PDZD2: variants seen among roughly 807,000 people sequenced by gnomAD.
PDZD2 encodes PDZ domain-containing protein 2.
In PDZD2, 90 loss-of-function variants were observed where a neutral mutation model predicts 220.7. The observed-to-expected ratio is 0.41, with a 90% CI of 0.34 to 0.49. PDZD2 has a LOEUF of 0.49. Ranked by LOEUF, PDZD2 falls within the 20% of genes least tolerant of loss-of-function variation. The pLI is 0.28. For synonymous variants in PDZD2, 1,375 were observed against 1,450.5 expected (o/e 0.95, Z 1.18); for missense variants, 3,174 against 3,608.5 (o/e 0.88, Z 3.08).
At chr5:31,969,696 C>CACA (rs1404541465) in intron 2 of PDZD2, among the ~76,000 whole-genome samples, 3 of 151,916 alleles carry the variant, frequency 2.0e-5, no homozygotes, top group East Asian at 3.9e-4. Flanking sequence ...GTGATGGTCA[C>CACA]ACAACTTGGT....
At chr5:31,871,586 G>T (rs1163958197) in intron 2 of PDZD2, among the ~76,000 whole-genome samples, 1 of 152,138 alleles carries the variant, frequency 6.6e-6, no homozygotes, top group African/African-American at 2.4e-5. Flanking sequence ...GAGTAGCTGG[G>T]ATTACAGGCG....
At chr5:32,032,038 C>T (rs1174493275) in intron 6 of PDZD2, among the ~76,000 whole-genome samples, 2 of 152,190 alleles carry the variant, frequency 1.3e-5, no homozygotes, top group African/African-American at 2.4e-5. Flanking sequence ...AATATGTATA[C>T]TCTGAATAGG....
intron 1 of PDZD2, among the ~76,000 whole-genome samples, chr5:31,719,520 T>C (rs1748657094): frequency 6.6e-6 from 1 of 152,232 alleles, no homozygotes; most frequent in Non-Finnish European, 1.5e-5. Context: ...TTGTACTAAA[T>C]AAATTATTTC....
chr5:32,089,330 AGCCACCTCTT>A lies in PDZD2; in HGVS notation c.5892_5901del (p.Ala1965GlyfsTer3), dbSNP rs1742845956. 6 of 1,614,140 alleles carry A rather than the reference AGCCACCTCTT, an allele frequency of 3.7e-6. No homozygotes were observed. Among genetic ancestry groups the A allele is most frequent in the East Asian group, 2.2e-5 (1 of 44,880 alleles). On this transcript the variant is annotated frameshift_variant, in exon 20 of 25. Coordinates refer to ENST00000438447, the MANE Select transcript of PDZD2 (RefSeq NM_178140.4). LOFTEE classifies it high-confidence loss of function. Reference sequence around the variant, plus strand: ...TCCCCCCAGTGTGTGCTGGAAAGCAAGCCACCTCTTGCCACCTCTGGGCCACTGAAACCCT... The same window carrying A: ...TCCCCCCAGTGTGTGCTGGAAAGCAAGCCACCTCTGGGCCACTGAAACCCT...
chr5:31,776,455 TTTA>T (rs1752651962), intron 1 of PDZD2, among the ~76,000 whole-genome samples: 3 of 62,206 alleles, frequency 4.8e-5, no homozygotes, highest in Non-Finnish European at 1.1e-4. Flanking sequence ...TTTTATTTTA[TTTA>T]TTTATTTATT....
intron 2 of PDZD2, among the ~76,000 whole-genome samples, chr5:31,835,954 C>T (rs945221713): frequency 3.3e-5 from 5 of 152,222 alleles, no homozygotes; most frequent in Non-Finnish European, 5.9e-5. Flanking sequence ...AGGCTCATCA[C>T]TCATTGACAA....
rs147894765 is a variant in PDZD2, at chr5:32,005,919, G to A, written c.1255-4411G>A. On this transcript the variant is annotated intron_variant, in intron 5 of 24. Transcript: ENST00000438447. Reference sequence around the variant, plus strand: ...TCCCAGCAATTTGGGAGGCCAAGGTGGGCAGATCACTTGAGGTCAGGATTC... The same window carrying A: ...TCCCAGCAATTTGGGAGGCCAAGGTAGGCAGATCACTTGAGGTCAGGATTC... 3.9e-5 allele frequency among the ~76,000 whole-genome samples: 6 copies of A among 152,212 alleles called. No homozygotes were observed. In the East Asian group the frequency reaches 1.2e-3, roughly 29 times the overall value.
At chr5:31,872,804 G>A (rs547721415) in intron 2 of PDZD2, among the ~76,000 whole-genome samples, 8 of 152,190 alleles carry the variant, frequency 5.3e-5, no homozygotes, top group Admixed American at 1.3e-4. Context: ...GTACAGTCAT[G>A]CACTGAATAA....
At chr5:32,003,564 C>T (rs573855045) in intron 5 of PDZD2, among the ~76,000 whole-genome samples, 5 of 151,730 alleles carry the variant, frequency 3.3e-5, no homozygotes, top group South Asian at 2.1e-4. Context: ...CTGCAGAGAA[C>T]GCGTGTTTCA....
chr5:32,013,360 T>C (rs1753478951), intron 6 of PDZD2, among the ~76,000 whole-genome samples: 2 of 151,588 alleles, frequency 1.3e-5, no homozygotes, highest in Admixed American at 1.3e-4. Flanking sequence ...ACATGGCTTA[T>C]AGCAGTAAAA....
intron 1 of PDZD2, among the ~76,000 whole-genome samples, chr5:31,737,414 C>T (rs531836038): frequency 5.9e-5 from 9 of 152,124 alleles, no homozygotes; most frequent in East Asian, 1.9e-4. Context: ...CCTCGTGATC[C>T]GCCCGCCTTG....
intron 7 of PDZD2, among the ~76,000 whole-genome samples, chr5:32,045,365 C>G (rs1288690734): frequency 6.6e-6 from 1 of 151,840 alleles, no homozygotes; most frequent in Non-Finnish European, 1.5e-5. Flanking sequence ...AGCAGAGTTT[C>G]CTTTTAATTT....
At chr5:32,006,162 AG>A (rs1752779096) in intron 5 of PDZD2, among the ~76,000 whole-genome samples, 2 of 151,480 alleles carry the variant, frequency 1.3e-5, no homozygotes, top group South Asian at 4.2e-4. Flanking sequence ...AAAAAAAAAA[AG>A]ATATCAAGGG....
intron 3 of PDZD2, among the ~76,000 whole-genome samples, chr5:31,992,894 C>T (rs927032482): frequency 6.7e-6 from 1 of 150,332 alleles, no homozygotes; most frequent in African/African-American, 2.4e-5. Context: ...CCATCCTACT[C>T]TCGCGTGTGC....
intron 2 of PDZD2, among the ~76,000 whole-genome samples, chr5:31,821,846 AC>A (rs35928511): frequency 1.4e-5 from 2 of 147,118 alleles, no homozygotes; most frequent in South Asian, 4.3e-4. Context: ...CCCTCCCCTT[AC>A]CCCCATCCCC....
rs527762133 is a variant in PDZD2 at position 31,914,225 on chromosome 5, A to G, written c.477-68930A>G. 5.9e-5 allele frequency among the ~76,000 whole-genome samples: 9 copies of G among 152,370 alleles called. No homozygotes were observed. The South Asian group carries it at 1.7e-3, about 28-fold the overall frequency. ...AAGTTTATTGCATTGTCATTCCAGTAAGTCATACTCAAGATTCTGATCCTG... is the reference window on the plus strand; with the variant it reads ...AAGTTTATTGCATTGTCATTCCAGTGAGTCATACTCAAGATTCTGATCCTG... On this transcript the variant is annotated intron_variant, in intron 2 of 24. Coordinates refer to ENST00000438447, the MANE Select transcript of PDZD2 (RefSeq NM_178140.4).
intron 1 of PDZD2, among the ~76,000 whole-genome samples, chr5:31,647,187 G>T (rs1474596167): frequency 1.3e-5 from 2 of 152,028 alleles, no homozygotes; most frequent in African/African-American, 4.8e-5. Flanking sequence ...CTCTTCCCCT[G>T]TACTCTTCAG....
intron 1 of PDZD2, among the ~76,000 whole-genome samples, chr5:31,691,075 C>T (rs939332044): frequency 6.6e-6 from 1 of 152,204 alleles, no homozygotes; most frequent in African/African-American, 2.4e-5. Flanking sequence ...AGCCGCGGAC[C>T]CTCATGGTGA....
At chr5:32,005,572 C>A (rs1752736500) in intron 5 of PDZD2, among the ~76,000 whole-genome samples, 1 of 151,278 alleles carries the variant, frequency 6.6e-6, no homozygotes, top group Admixed American at 6.6e-5. Flanking sequence ...TCTCATAATA[C>A]CACCAATAGT....
Sources: allele counts gnomAD v4.1 joint callset (sites outside exome capture counted in the v4.1 genomes callset), GRCh38; gene constraint gnomAD v4.1.1; transcripts MANE v1.5; gene names NCBI Gene and HGNC (gene_info 2026-07-23, HGNC 2026-07-21).